The following MACROD1 variants were observed in gnomAD, a reference collection of about 807,000 sequenced individuals.
MACROD1 encodes the protein mono-ADP ribosylhydrolase 1, also known as ADP-ribose glycohydrolase MACROD1.
A neutral mutation model predicts 41.4 loss-of-function variants in MACROD1; 31 were observed. The observed-to-expected ratio is 0.75, with a 90% CI of 0.56 to 1.01. MACROD1 has a LOEUF of 1.01. MACROD1 is among the 50% of genes least tolerant of loss of function. MACROD1 has a pLI of 0.00. For synonymous variants in MACROD1, 252 were observed against 203.4 expected, an observed-to-expected ratio of 1.24 and a Z score of -2.03; for missense variants, 473 against 460.0, an observed-to-expected ratio of 1.03 and a Z score of -0.26.
intron 3 of MACROD1, among the ~76,000 whole-genome samples, chr11:64,069,105 T>A (rs1944058494): frequency 6.6e-6 from 1 of 151,872 alleles, no homozygotes; most frequent in African/African-American, 2.4e-5. Context: ...GAGAACCAGT[T>A]AGGGGTGTGA....
intron 3 of MACROD1, among the ~76,000 whole-genome samples, chr11:64,095,722 A>G (rs578191330): frequency 8.5e-5 from 13 of 152,338 alleles, no homozygotes; most frequent in South Asian, 2.1e-4. Context: ...TAGATGCAGC[A>G]GGCGGAGGGA....
At chr11:64,092,398 G>A (rs1565228725) in intron 3 of MACROD1, among the ~76,000 whole-genome samples, 2 of 152,234 alleles carry the variant, frequency 1.3e-5, no homozygotes, top group Non-Finnish European at 2.9e-5. Flanking sequence ...TGGGGTGGGG[G>A]CAGAGGGCTC....
chr11:64,082,259 G>A lies in MACROD1; in HGVS notation c.518-66978C>T, dbSNP rs1273912656. ...GGCCCCTGCTTAGCAGAGGATGGCTGAGCCTGGGGGGTGGAGAAAATCTTG... is the reference window on the plus strand; with the variant it reads ...GGCCCCTGCTTAGCAGAGGATGGCTAAGCCTGGGGGGTGGAGAAAATCTTG... On this transcript the variant is annotated intron_variant, in intron 3 of 10. Transcript: ENST00000255681. This position sits in a 1 kb window ranked among gnomAD's most constrained non-coding sequence, Gnocchi z 4.5. Among the ~76,000 whole-genome samples the A allele has an allele frequency of 6.6e-6, 1 of 152,152 alleles. No individual in the cohort carries two copies. The highest frequency in any genetic ancestry group is 6.5e-5 in the Admixed American group (1 of 15,282).
Position 64,122,084 on chromosome 11 carries a change from G to T in MACROD1, c.517+29155C>A, listed in dbSNP as rs184583233. Among the ~76,000 whole-genome samples the T allele has an allele frequency of 2.0e-5, 3 of 152,162 alleles. No individual in the cohort carries two copies. The highest frequency in any genetic ancestry group is 7.2e-5 in the African/African-American group (3 of 41,426). The stretch of plus-strand genomic sequence containing the variant: ...GGCCTCTTGTAAGCTCAGCTCAGGC[G>T]TGGGGCCCAATGTATGGAATGCTTA... On this transcript the variant is annotated intron_variant, in intron 3 of 10. Coordinates refer to ENST00000255681, the MANE Select transcript of MACROD1 (RefSeq NM_014067.4). This position sits in a 1 kb window ranked among gnomAD's most constrained non-coding sequence, Gnocchi z 4.0.
chr11:64,040,696 G>A (rs1037040836), intron 3 of MACROD1, among the ~76,000 whole-genome samples: 3 of 152,194 alleles, frequency 2.0e-5, no homozygotes, highest in Admixed American at 1.3e-4. Flanking sequence ...TGGGTGGACC[G>A]AGAGCTATTA....
chr11:64,141,218 A>G (rs1479360419), intron 3 of MACROD1, among the ~76,000 whole-genome samples: 1 of 152,112 alleles, frequency 6.6e-6, no homozygotes, highest in Non-Finnish European at 1.5e-5. Flanking sequence ...TGGGTCCTTG[A>G]CTGTTAATCC....
At chr11:64,015,330 G>A (rs747852306) in intron 3 of MACROD1, 49 bp from the exon 4 acceptor site, 25 of 1,561,444 alleles carry the variant, frequency 1.6e-5, no homozygotes, top group African/African-American at 1.2e-4. Flanking sequence ...GGGCTGCGGC[G>A]GGAGTATCAG....
intron 4 of MACROD1, among the ~76,000 whole-genome samples, chr11:64,003,888 GCA>G (rs1452248791): frequency 6.6e-6 from 1 of 152,208 alleles, no homozygotes; most frequent in African/African-American, 2.4e-5. Context: ...GCCTCTTGTT[GCA>G]CAGTGTTCTG....
In MACROD1 at chr11:64,008,713, G is replaced by A. The variant is rs945740230; in HGVS notation, c.547+6539C>T. ...CAGAGGTGCTCAGGGCCGACGGCAT[G>A]GGGGCAGGGGCAGCTGCACCCACAC... On this transcript the variant is annotated intron_variant, in intron 4 of 10. Coordinates refer to ENST00000255681, the MANE Select transcript of MACROD1 (RefSeq NM_014067.4). Among the ~76,000 whole-genome samples the A allele has an allele frequency of 1.3e-4, 20 of 152,292 alleles. No individual in the cohort carries two copies. The Middle Eastern group carries it at 0.017, about 129-fold the overall frequency.
chr11:64,133,322 C>T (rs781611369), intron 3 of MACROD1, among the ~76,000 whole-genome samples: 1 of 152,200 alleles, frequency 6.6e-6, no homozygotes, highest in Non-Finnish European at 1.5e-5. Context: ...ACAGGATAGG[C>T]CAGGCTATGC....
chr11:64,025,218 A>C (rs1943209270), intron 3 of MACROD1, among the ~76,000 whole-genome samples: 1 of 152,188 alleles, frequency 6.6e-6, no homozygotes, highest in Non-Finnish European at 1.5e-5. Flanking sequence ...ACCTCAAGTC[A>C]AAGTACTCAG....
chr11:64,064,015 A>G lies in MACROD1; in HGVS notation c.518-48734T>C, dbSNP rs1344978638. Among the ~76,000 whole-genome samples the G allele has an allele frequency of 3.3e-5, 5 of 152,116 alleles. No homozygotes were observed. The highest frequency in any genetic ancestry group is 5.9e-5 in the Non-Finnish European group (4 of 68,034). ...CCTCTTGTCAGGCAGCCGCAGGGAG[A>G]GAGCGCATCTTCACTGGATCTTTGT... is the stretch of plus-strand genomic sequence containing the variant. On this transcript the variant is annotated intron_variant, in intron 3 of 10. Transcript: ENST00000255681. The surrounding 1 kb of genome is among the most constrained non-coding windows in gnomAD (Gnocchi z 4.5).
chr11:64,027,674 T>C (rs560532093), intron 3 of MACROD1, among the ~76,000 whole-genome samples: 1 of 152,088 alleles, frequency 6.6e-6, no homozygotes, highest in Non-Finnish European at 1.5e-5. Flanking sequence ...TCTGGGGTTA[T>C]AGGTTATAGC....
chr11:64,115,816 T>C (rs937614695), intron 3 of MACROD1, among the ~76,000 whole-genome samples: 1 of 152,124 alleles, frequency 6.6e-6, no homozygotes, highest in African/African-American at 2.4e-5. Flanking sequence ...ATCCCATCCA[T>C]ATTGACTGGT....
chr11:64,053,789 T>C (rs565118532), intron 3 of MACROD1, among the ~76,000 whole-genome samples: 289 of 152,242 alleles, frequency 1.9e-3, no homozygotes, highest in African/African-American at 6.9e-3. Flanking sequence ...TTGAGCCCTA[T>C]AGCGGCATCC....
intron 4 of MACROD1, chr11:64,009,089 C>CGCACAAATCTCCCCGAGAAA (rs1313698351): frequency 6.6e-6 from 1 of 152,116 alleles, no homozygotes; most frequent in Non-Finnish European, 1.5e-5. Flanking sequence ...TGAAAAAGAG[C>CGCACAAATCTCCCCGAGAAA]GCACAAATCT....
intron 3 of MACROD1, among the ~76,000 whole-genome samples, chr11:64,065,833 C>A (rs1943995320): frequency 6.6e-6 from 1 of 151,024 alleles, no homozygotes; most frequent in South Asian, 2.3e-4. Flanking sequence ...GACTCCCCCT[C>A]TCTCCATGCA....
intron 1 of MACROD1, among the ~76,000 whole-genome samples, chr11:64,161,516 G>GA (rs1388618973): frequency 6.6e-6 from 1 of 152,228 alleles, no homozygotes; most frequent in African/African-American, 2.4e-5. Flanking sequence ...TAACTTGGCT[G>GA]AAAGTGTGAT....
chr11:64,003,433 G>C (rs1335370719), intron 4 of MACROD1, among the ~76,000 whole-genome samples: 1 of 152,170 alleles, frequency 6.6e-6, no homozygotes, highest in Non-Finnish European at 1.5e-5. Context: ...TGCCCAGGCT[G>C]GTCTTGAACT....
Sources: gnomAD v4.1 joint callset for allele counts (sites outside exome capture counted in the v4.1 genomes callset) on GRCh38, gnomAD v4.1.1 for gene constraint, Gnocchi (gnomAD v3.1) non-coding constraint, MANE v1.5 for transcripts, NCBI Gene and HGNC (gene_info 2026-07-23, HGNC 2026-07-21) for gene names.